SLCO5A1: variants seen among roughly 807,000 people sequenced by gnomAD.
SLCO5A1 encodes the protein organic anion transporter polypeptide-related protein 4.
In SLCO5A1, 39 loss-of-function variants were observed where a neutral mutation model predicts 65.1. That is an observed-to-expected ratio of 0.60 (90% CI 0.46 to 0.78). SLCO5A1 has a LOEUF of 0.78. Among genes scored for constraint, SLCO5A1 ranks in the 30% least tolerant of loss-of-function variants. The pLI, the probability that SLCO5A1 is intolerant of heterozygous loss-of-function variation, is 0.00. For synonymous variants in SLCO5A1, 438 were observed against 415.7 expected (o/e 1.05, Z -0.65); for missense variants, 1,029 against 1,069.4 (o/e 0.96, Z 0.53).
At chr8:69,790,411 G>C (rs746239734) in intron 2 of SLCO5A1, among the ~76,000 whole-genome samples, 6 of 151,706 alleles carry the variant, frequency 4.0e-5, no homozygotes, top group Admixed American at 6.6e-5. Flanking sequence ...TTAAAAAGTG[G>C]GAGAAACATA....
chr8:69,677,552 A>G (rs1193864678), intron 8 of SLCO5A1, among the ~76,000 whole-genome samples: 1 of 152,250 alleles, frequency 6.6e-6, no homozygotes, highest in Non-Finnish European at 1.5e-5. Context: ...TCCCAAGACC[A>G]GTGCCCTTGT....
chr8:69,792,565 T>C (rs947844263), intron 2 of SLCO5A1, among the ~76,000 whole-genome samples: 1 of 152,166 alleles, frequency 6.6e-6, no homozygotes. Flanking sequence ...GGCTTTACTA[T>C]GTAAGAATTA....
At chr8:69,708,354 A>G (rs1815067723) in intron 5 of SLCO5A1, among the ~76,000 whole-genome samples, 1 of 152,198 alleles carries the variant, frequency 6.6e-6, no homozygotes, top group Non-Finnish European at 1.5e-5. Flanking sequence ...TACAGGCACT[A>G]TCTATAAGTA....
intron 4 of SLCO5A1, among the ~76,000 whole-genome samples, chr8:69,743,297 T>C (rs1192821841): frequency 1.3e-5 from 2 of 152,244 alleles, no homozygotes; most frequent in East Asian, 3.8e-4. Flanking sequence ...TTTATGCTCA[T>C]TTGTTAAATA....
intron 2 of SLCO5A1, among the ~76,000 whole-genome samples, chr8:69,808,192 T>G (rs559365804): frequency 1.2e-3 from 185 of 151,920 alleles, no homozygotes; most frequent in Non-Finnish European, 2.1e-3. Context: ...TTATTTTAGG[T>G]TCAGGAGTAC....
intron 5 of SLCO5A1, among the ~76,000 whole-genome samples, chr8:69,726,104 G>T (rs1816060772): frequency 1.3e-5 from 2 of 152,166 alleles, no homozygotes; most frequent in Admixed American, 1.3e-4. Context: ...ACATGTGCTT[G>T]GGAAACAAAT....
At chr8:69,795,355 C>T (rs918279738) in intron 2 of SLCO5A1, among the ~76,000 whole-genome samples, 2 of 152,296 alleles carry the variant, frequency 1.3e-5, no homozygotes, top group East Asian at 3.9e-4. Flanking sequence ...CAATAGGGTA[C>T]AAGAATTGGG....
intron 2 of SLCO5A1, among the ~76,000 whole-genome samples, chr8:69,826,436 A>G (rs1042209914): frequency 1.1e-4 from 17 of 151,986 alleles, no homozygotes; most frequent in Non-Finnish European, 2.1e-4. Context: ...ATTTACAAGA[A>G]AAAAACAAAC....
chr8:69,746,886 T>C (rs1395691252), intron 4 of SLCO5A1, among the ~76,000 whole-genome samples: 1 of 152,138 alleles, frequency 6.6e-6, no homozygotes, highest in Non-Finnish European at 1.5e-5. Context: ...ACTGCGAGCA[T>C]ACCTTTCATA....
chr8:69,740,745 A>G (rs1216526760), intron 4 of SLCO5A1, among the ~76,000 whole-genome samples: 1 of 152,212 alleles, frequency 6.6e-6, no homozygotes, highest in Non-Finnish European at 1.5e-5. Context: ...CAAGAAAGCA[A>G]AAATGTGCTC....
chr8:69,774,467 T>A (rs1818476730), intron 2 of SLCO5A1, among the ~76,000 whole-genome samples: 1 of 152,156 alleles, frequency 6.6e-6, no homozygotes, highest in Non-Finnish European at 1.5e-5. Flanking sequence ...GTTCCCTCAT[T>A]TGAACTCGGT....
chr8:69,715,044 A>G (rs1345658925), intron 5 of SLCO5A1: 1 of 152,268 alleles, frequency 6.6e-6, no homozygotes, highest in African/African-American at 2.4e-5. Context: ...AAAGGGATTC[A>G]AAAATCAAAT....
chr8:69,699,962 T>C (rs1169663233), intron 6 of SLCO5A1, among the ~76,000 whole-genome samples: 2 of 152,070 alleles, frequency 1.3e-5, no homozygotes, highest in Non-Finnish European at 2.9e-5. Context: ...CTACAAAAAA[T>C]TATCCCAGTG....
At chr8:69,819,458 T>C (rs1820546173) in intron 2 of SLCO5A1, among the ~76,000 whole-genome samples, 1 of 152,214 alleles carries the variant, frequency 6.6e-6, no homozygotes. Context: ...CACAAAGATA[T>C]GAGCTACATT....
chr8:69,716,954 AT>A (rs1320443025), intron 5 of SLCO5A1, among the ~76,000 whole-genome samples: 1 of 151,782 alleles, frequency 6.6e-6, no homozygotes, highest in Non-Finnish European at 1.5e-5. Flanking sequence ...TAATTTTTGT[AT>A]TTTTTATGGA....
chr8:69,792,977 T>G (rs1391140970), intron 2 of SLCO5A1, among the ~76,000 whole-genome samples: 1 of 152,042 alleles, frequency 6.6e-6, no homozygotes, highest in African/African-American at 2.4e-5. Context: ...TTGGTTTTTT[T>G]GTTTTTTGTT....
chr8:69,820,137 C>T (rs1027702225), intron 2 of SLCO5A1, among the ~76,000 whole-genome samples: 7 of 152,224 alleles, frequency 4.6e-5, no homozygotes, highest in South Asian at 2.1e-4. Flanking sequence ...CTCAAAATCA[C>T]GTTAACTGGA....
chr8:69,682,679 C>G (rs1180166392), intron 6 of SLCO5A1, among the ~76,000 whole-genome samples: 1 of 152,100 alleles, frequency 6.6e-6, no homozygotes, highest in East Asian at 1.9e-4. Flanking sequence ...TTACTGTAGG[C>G]GCCAGGCTCT....
At position 69,705,136 on chromosome 8, in the gene SLCO5A1, A is replaced by G. The variant is rs775446487; in HGVS notation, c.1517T>C (p.Leu506Pro). 1 of 1,614,208 alleles carries G rather than the reference A, an allele frequency of 6.2e-7. No homozygotes were observed. The change falls in exon 6 of 10, where the codon CTA becomes CCA. Residue 506 changes from leucine (L) to proline (P), a missense_variant. By Grantham distance (98) the Leu-to-Pro change is moderately conservative. This residue lies in a region of SLCO5A1 where 647 missense variants were observed against 647.5 expected (regional missense o/e 1.00). Transcript: ENST00000260126. ...LKLGARESAK[L>P]AMICSGVSLL... ...AGACACACCACTGCAGATCATTGCT[A>G]GTTTTGCAGATTCTCTGGCACCAAG...
Sources: allele counts gnomAD v4.1 joint callset (sites outside exome capture counted in the v4.1 genomes callset), GRCh38; gene constraint gnomAD v4.1.1; regional missense constraint gnomAD v4.1.1; transcripts MANE v1.5; gene names NCBI Gene and HGNC (gene_info 2026-07-23, HGNC 2026-07-21).